The following FAM76B variants were observed in gnomAD, a reference collection of about 807,000 sequenced individuals.
The protein encoded by FAM76B is family with sequence similarity 76 member B.
A neutral mutation model predicts 51.8 loss-of-function variants in FAM76B; 16 were observed. The ratio of observed to expected loss-of-function variants is 0.31; its 90% CI spans 0.21 to 0.47. The LOEUF is 0.47. Among genes scored for constraint, FAM76B ranks in the 20% least tolerant of loss-of-function variants. The probability of loss-of-function intolerance (pLI) is 1.00; values close to 1 mark genes in which losing one functional copy is unlikely to be tolerated. For synonymous variants in FAM76B, 166 were observed against 129.5 expected, an observed-to-expected ratio of 1.28 and a Z score of -1.91; for missense variants, 342 against 392.6, an observed-to-expected ratio of 0.87 and a Z score of 1.09.
intron 1 of FAM76B, chr11:95,788,941 C>A (rs1860783665): frequency 1.5e-6 from 2 of 1,346,068 alleles, no homozygotes; most frequent in Non-Finnish European, 1.9e-6. Flanking sequence ...CCAGTCGCTT[C>A]GCTTTCCTGG....
At chr11:95,783,546 CAGG>C (rs1424376901) in intron 4 of FAM76B, among the ~76,000 whole-genome samples, 1 of 151,914 alleles carries the variant, frequency 6.6e-6, no homozygotes, top group Non-Finnish European at 1.5e-5. Flanking sequence ...TTTCTTATTC[CAGG>C]AGAATAAGCA....
intron 1 of FAM76B, 93 bp downstream of exon 1, chr11:95,789,299 C>G: frequency 4.3e-6 from 6 of 1,382,530 alleles, no homozygotes; most frequent in South Asian, 3.7e-5. Flanking sequence ...CCCTGAGGCG[C>G]CGGCGAAGAG....
At chr11:95,773,455 A>G in intron 9 of FAM76B, among the ~76,000 whole-genome samples, 1 of 68,136 alleles carries the variant, frequency 1.5e-5, no homozygotes, top group African/African-American at 6.3e-5. Flanking sequence ...TTTTGCAGCC[A>G]GCCAAAAAAA....
At chr11:95,778,148 A>T (rs2120219924) in intron 8 of FAM76B, among the ~76,000 whole-genome samples, 1 of 151,604 alleles carries the variant, frequency 6.6e-6, no homozygotes, top group East Asian at 1.9e-4. Flanking sequence ...TGGCTAAATT[A>T]CTTCAAAACT....
Position 95,783,190 on chromosome 11 carries a change from C to T in FAM76B, c.438G>A (p.Arg146=). 6.2e-7 allele frequency: 1 copy of T among 1,613,912 alleles called. No individual in the cohort carries two copies. The highest frequency in any genetic ancestry group is 1.1e-5 in the South Asian group (1 of 91,064). The change falls in exon 5 of 10, where the codon AGG becomes AGA. Residue 146 remains arginine (R), a synonymous_variant. Transcript: ENST00000358780. ...TTGAATGTGAAGATCCCAGGCTCTTCCTTTGTTCTTTCGTCTTCTGTAAAA... is the reference window on the plus strand; with the variant it reads ...TTGAATGTGAAGATCCCAGGCTCTTTCTTTGTTCTTTCGTCTTCTGTAAAA... The part of the protein sequence containing the change: ...KRVLQKTKEQ[R]KSLGSSHSNS...
At chr11:95,784,573 C>T (rs61902245) in intron 4 of FAM76B, among the ~76,000 whole-genome samples, 49,704 of 145,352 alleles carry the variant, frequency 0.34, 9,068 homozygotes, top group Non-Finnish European at 0.42. Context: ...TGTATATATA[C>T]ACACACACAC....
At chr11:95,774,218 G>T (rs570491906) in intron 9 of FAM76B, among the ~76,000 whole-genome samples, 3 of 151,324 alleles carry the variant, frequency 2.0e-5, no homozygotes, top group Non-Finnish European at 4.4e-5. Context: ...AGATTTCTAC[G>T]TCACCGCTTA....
intron 9 of FAM76B, among the ~76,000 whole-genome samples, chr11:95,774,546 G>A (rs763335745): frequency 1.3e-5 from 2 of 151,304 alleles, no homozygotes; most frequent in Admixed American, 6.6e-5. Context: ...ATCTCATTCT[G>A]GATTTACTTC....
chr11:95,780,007 AC>A, intron 5 of FAM76B, 81 bp from the exon 6 acceptor site: 8 of 1,293,644 alleles, frequency 6.2e-6, no homozygotes, highest in Non-Finnish European at 7.5e-6. Context: ...CTCAATGGAT[AC>A]AAATTTTATG....
chr11:95,785,324 T>C (rs1443579632), intron 4 of FAM76B, among the ~76,000 whole-genome samples: 5 of 152,224 alleles, frequency 3.3e-5, no homozygotes, highest in Admixed American at 1.3e-4. Context: ...AGGTGGGTAC[T>C]ACCGTATTCA....
Position 95,789,440 on chromosome 11 carries a change from G to C in FAM76B, c.39C>G (p.Thr13=). The C allele has an allele frequency of 2.5e-6, 4 of 1,609,880 alleles. No individual in the cohort carries two copies. The highest frequency in any genetic ancestry group is 3.4e-6 in the Non-Finnish European group (4 of 1,178,294). ...AGAGCTCCTCGAAAGGATAACGCTG[G>C]GTACACTTGGTGCAGGCGTACAGGG... is the stretch of plus-strand genomic sequence containing the variant. ...ASALYACTKC[T]QRYPFEELSQ... is the part of the protein sequence containing the mutation. The change falls in exon 1 of 10, where the codon ACC becomes ACG. Residue 13 remains threonine, a synonymous_variant. Transcript: ENST00000358780.
chr11:95,775,046 C>T (rs374349603), intron 9 of FAM76B, among the ~76,000 whole-genome samples: 1 of 151,088 alleles, frequency 6.6e-6, no homozygotes, highest in African/African-American at 2.4e-5. Context: ...TTAACTCCTT[C>T]CTTCTGAAGC....
At position 95,769,573 on chromosome 11, in the gene FAM76B, T is replaced by C. The variant is rs1482323771; in HGVS notation, c.*1988A>G. On this transcript the variant is annotated 3_prime_UTR_variant, in exon 10 of 10. Transcript: ENST00000358780. ...GGACGAGGACAACTTTCTTTTGTAG[T>C]TTCTCCAACAAGGTGTAAGAACTAT... 1 of 151,992 alleles carries C rather than the reference T, an allele frequency of 6.6e-6. No individual in the cohort carries two copies. The highest frequency in any genetic ancestry group is 1.5e-5 in the Non-Finnish European group (1 of 67,732). The allele number at this position is 151,992 out of a possible 1,614,324, so 9.4% of individuals were successfully genotyped here.
chr11:95,771,559 T>A lies in FAM76B; in HGVS notation c.*2A>T. 1 of 1,602,228 alleles carries A rather than the reference T, an allele frequency of 6.2e-7. No individual in the cohort carries two copies. Among genetic ancestry groups the A allele is most frequent in the East Asian group, 2.2e-5 (1 of 44,550 alleles). ...AGAAGAAATGCTAAACAAATGACTT[T>A]CTCAAGGAGATGTTAGTATGCTTCC... On this transcript the variant is annotated 3_prime_UTR_variant, in exon 10 of 10. Transcript: ENST00000358780.
intron 9 of FAM76B, among the ~76,000 whole-genome samples, chr11:95,773,458 CAAAA>C (rs56008636): frequency 3.9e-5 from 5 of 127,830 alleles, no homozygotes; most frequent in Non-Finnish European, 6.6e-5. Flanking sequence ...TGCAGCCAGC[CAAAA>C]AAAAAAAAAA....
chr11:95,784,591 C>T (rs866588641), intron 4 of FAM76B, among the ~76,000 whole-genome samples: 4 of 149,468 alleles, frequency 2.7e-5, no homozygotes, highest in Admixed American at 6.6e-5. Context: ...CACACACACA[C>T]AATTTTTTTT....
At chr11:95,787,826 G>C in intron 2 of FAM76B, 148 bp from the exon 3 acceptor site, 1 of 651,994 alleles carries the variant, frequency 1.5e-6, no homozygotes, top group South Asian at 2.0e-5. Context: ...GATATTTTCA[G>C]AGTTGTTTTA....
intron 5 of FAM76B, 107 bp from the exon 6 acceptor site, chr11:95,780,033 T>C: frequency 9.5e-7 from 1 of 1,057,100 alleles, no homozygotes; most frequent in Non-Finnish European, 1.3e-6. Context: ...TAATATTTTC[T>C]TCAGAGAAAG....
Position 95,771,539 on chromosome 11 carries a change from A to G in FAM76B, c.*22T>C. On this transcript the variant is annotated 3_prime_UTR_variant, in exon 10 of 10. Coordinates refer to ENST00000358780, the MANE Select transcript of FAM76B (RefSeq NM_144664.5). ...TTCCCCAAATTTACATTGTAAGAAGAAATGCTAAACAAATGACTTTCTCAA... is the reference window on the plus strand; with the variant it reads ...TTCCCCAAATTTACATTGTAAGAAGGAATGCTAAACAAATGACTTTCTCAA... 1 of 1,584,594 alleles carries G rather than the reference A, an allele frequency of 6.3e-7. No individual in the cohort carries two copies. Among genetic ancestry groups the G allele is most frequent in the Non-Finnish European group, 8.6e-7 (1 of 1,158,230 alleles).
Sources: gnomAD v4.1 joint callset for allele counts (sites outside exome capture counted in the v4.1 genomes callset) on GRCh38, gnomAD v4.1.1 for gene constraint, MANE v1.5 for transcripts, NCBI Gene and HGNC (gene_info 2026-07-23, HGNC 2026-07-21) for gene names.